LRRC7: variants seen among roughly 807,000 people sequenced by gnomAD.
LRRC7 encodes the protein leucine rich repeat containing 7.
In LRRC7, 23 loss-of-function variants were observed where a neutral mutation model predicts 175.7. That is an observed-to-expected ratio of 0.13 (90% CI 0.09 to 0.19). The LOEUF is 0.19. LRRC7 is among the 10% of genes least tolerant of loss of function. The pLI, the probability that LRRC7 is intolerant of heterozygous loss-of-function variation, is 1.00. For missense variants in LRRC7, 1,354 were observed against 1,904.7 expected (o/e 0.71, Z 5.38); for synonymous variants, 685 against 680.9 (o/e 1.01, Z -0.09).
intron 2 of LRRC7, among the ~76,000 whole-genome samples, chr1:69,756,075 G>A (rs746177289): frequency 6.6e-6 from 1 of 151,776 alleles, no homozygotes; most frequent in Non-Finnish European, 1.5e-5. Flanking sequence ...AAATGATATG[G>A]CACCTTGAGA....
chr1:69,617,982 T>C (rs547446731), intron 1 of LRRC7, among the ~76,000 whole-genome samples: 22 of 152,046 alleles, frequency 1.4e-4, no homozygotes, highest in Non-Finnish European at 2.5e-4. Flanking sequence ...CTCTCTAAGA[T>C]AGAGAAATAA....
At chr1:69,775,651 A>G (rs999992563) in intron 3 of LRRC7, among the ~76,000 whole-genome samples, 2 of 152,210 alleles carry the variant, frequency 1.3e-5, no homozygotes, top group African/African-American at 4.8e-5. Context: ...AGAGCTATAT[A>G]AGGCCAGGAG....
intron 11 of LRRC7, among the ~76,000 whole-genome samples, chr1:70,006,270 G>A (rs905934474): frequency 4.6e-5 from 7 of 151,980 alleles, no homozygotes; most frequent in Non-Finnish European, 5.9e-5. Flanking sequence ...CAGTCAAAAT[G>A]TTTTTTTAAT....
chr1:69,764,270 G>A (rs1671357535), intron 3 of LRRC7, among the ~76,000 whole-genome samples: 1 of 151,532 alleles, frequency 6.6e-6, no homozygotes, highest in South Asian at 2.1e-4. Flanking sequence ...GACCATAACA[G>A]GTGCATATTA....
At chr1:69,639,066 CTATT>C (rs2100419159) in intron 1 of LRRC7, among the ~76,000 whole-genome samples, 1 of 151,728 alleles carries the variant, frequency 6.6e-6, no homozygotes, top group East Asian at 1.9e-4. Context: ...CTAAAATTTT[CTATT>C]TTTTTGTCAA....
chr1:70,033,489 G>A (rs1186348115), intron 18 of LRRC7, among the ~76,000 whole-genome samples: 3 of 152,032 alleles, frequency 2.0e-5, no homozygotes, highest in Non-Finnish European at 4.4e-5. Flanking sequence ...GTTCATAAGG[G>A]TAAGAGAATC....
At chr1:69,822,696 T>G (rs933632284) in intron 4 of LRRC7, among the ~76,000 whole-genome samples, 2 of 152,222 alleles carry the variant, frequency 1.3e-5, no homozygotes, top group African/African-American at 4.8e-5. Context: ...GAGTTTCTCC[T>G]GGCATTGAGC....
At chr1:69,874,616 C>T (rs2101591350) in intron 7 of LRRC7, 1 of 152,056 alleles carries the variant, frequency 6.6e-6, no homozygotes, top group South Asian at 2.1e-4. Flanking sequence ...ATTTTACTGC[C>T]TAGGAAAGAA....
At chr1:70,018,960 G>T in intron 15 of LRRC7, 142 bp downstream of exon 15, 1 of 565,290 alleles carries the variant, frequency 1.8e-6, no homozygotes, top group Non-Finnish European at 3.1e-6. Flanking sequence ...TATCATTTGG[G>T]GATGTACTTT....
chr1:70,046,956 C>T (rs1660378385), intron 22 of LRRC7, among the ~76,000 whole-genome samples: 1 of 152,026 alleles, frequency 6.6e-6, no homozygotes, highest in Non-Finnish European at 1.5e-5. Context: ...AACCCTTCTC[C>T]CCAGGAGAGG....
At chr1:69,822,267 G>A (rs960362718) in intron 4 of LRRC7, among the ~76,000 whole-genome samples, 2 of 152,142 alleles carry the variant, frequency 1.3e-5, no homozygotes, top group Admixed American at 1.3e-4. Flanking sequence ...ACAAACTCAA[G>A]GTGGCTGGCT....
intron 1 of LRRC7, among the ~76,000 whole-genome samples, chr1:69,573,345 T>C (rs114477718): frequency 0.02 from 2,988 of 152,282 alleles, 98 homozygotes; most frequent in African/African-American, 0.067. Flanking sequence ...AAGTTTTTCC[T>C]GGTGTACAAA....
intron 7 of LRRC7, among the ~76,000 whole-genome samples, chr1:69,911,919 G>GAA (rs200685672): frequency 2.1e-4 from 28 of 134,788 alleles, no homozygotes; most frequent in South Asian, 4.7e-4. Context: ...GAAAATATTT[G>GAA]AAAAAAAAAA....
chr1:69,636,511 T>C (rs767386480), intron 1 of LRRC7, among the ~76,000 whole-genome samples: 1 of 151,936 alleles, frequency 6.6e-6, no homozygotes, highest in Non-Finnish European at 1.5e-5. Context: ...AAACACCTTC[T>C]GTAATCTTGT....
At chr1:69,637,462 C>T (rs1217406713) in intron 1 of LRRC7, among the ~76,000 whole-genome samples, 5 of 151,820 alleles carry the variant, frequency 3.3e-5, no homozygotes, top group Non-Finnish European at 5.9e-5. Flanking sequence ...AAGACCTGAT[C>T]TCTTATCACA....
intron 8 of LRRC7, among the ~76,000 whole-genome samples, chr1:69,936,651 A>G (rs1380591563): frequency 6.6e-6 from 1 of 152,076 alleles, no homozygotes; most frequent in South Asian, 2.1e-4. Flanking sequence ...TTGGTGTACA[A>G]ATGATTTCAT....
intron 7 of LRRC7, among the ~76,000 whole-genome samples, chr1:69,914,192 T>G (rs1646619264): frequency 6.6e-6 from 1 of 152,182 alleles, no homozygotes; most frequent in South Asian, 2.1e-4. Context: ...GCCAAAAATT[T>G]GCAGAATCCT....
intron 1 of LRRC7, among the ~76,000 whole-genome samples, chr1:69,575,110 A>C (rs1281709947): frequency 6.6e-6 from 1 of 152,114 alleles, no homozygotes; most frequent in East Asian, 1.9e-4. Flanking sequence ...GCTGGAAAGG[A>C]ATTTAGAGGG....
chr1:70,028,951 C>A (rs1434319304), intron 18 of LRRC7, among the ~76,000 whole-genome samples: 1 of 152,100 alleles, frequency 6.6e-6, no homozygotes, highest in Non-Finnish European at 1.5e-5. Flanking sequence ...AAGAATTCAA[C>A]TACACTTATG....
Sources: gnomAD v4.1 joint callset for allele counts (sites outside exome capture counted in the v4.1 genomes callset) on GRCh38, gnomAD v4.1.1 for gene constraint, MANE v1.5 for transcripts, NCBI Gene and HGNC (gene_info 2026-07-23, HGNC 2026-07-21) for gene names.